PSD3: variants seen among roughly 807,000 people sequenced by gnomAD.
PSD3 encodes pleckstrin and Sec7 domain containing 3.
A neutral mutation model predicts 105.5 loss-of-function variants in PSD3; 49 were observed. The ratio of observed to expected loss-of-function variants is 0.46; its 90% confidence interval spans 0.37 to 0.59. The LOEUF is 0.59. PSD3 is among the 20% of genes least tolerant of loss of function. The probability of loss-of-function intolerance (pLI) is 0.00; values close to 1 mark genes in which losing one functional copy is unlikely to be tolerated. For missense variants in PSD3, 1,561 were observed against 1,263.8 expected (o/e 1.24, Z -3.57); for synonymous variants, 557 against 457.8 (o/e 1.22, Z -2.77).
At chr8:18,940,274 T>G (rs1471394350) in intron 1 of PSD3, 2 of 152,164 alleles carry the variant, frequency 1.3e-5, no homozygotes, top group East Asian at 3.9e-4. Flanking sequence ...CTGTTGTATA[T>G]ACGAATCACC....
chr8:18,711,648 C>A (rs927862482), intron 9 of PSD3, among the ~76,000 whole-genome samples: 4 of 152,168 alleles, frequency 2.6e-5, no homozygotes, highest in Non-Finnish European at 5.9e-5. Context: ...AACAGACCTA[C>A]AAAGAGACTT....
intron 8 of PSD3, among the ~76,000 whole-genome samples, chr8:18,768,656 T>A (rs556166466): frequency 6.6e-6 from 1 of 152,118 alleles, no homozygotes; most frequent in Non-Finnish European, 1.5e-5. Context: ...CAAAGACAGA[T>A]TTGCCTGAGA....
intron 10 of PSD3, among the ~76,000 whole-genome samples, chr8:18,654,518 T>C (rs986022641): frequency 6.6e-6 from 1 of 152,202 alleles, no homozygotes; most frequent in Admixed American, 6.5e-5. Context: ...TATTCTTCCA[T>C]AATAATTTTA....
At chr8:18,739,739 C>G (rs1804415296) in intron 9 of PSD3, among the ~76,000 whole-genome samples, 1 of 152,104 alleles carries the variant, frequency 6.6e-6, no homozygotes, top group Admixed American at 6.5e-5. Flanking sequence ...TTTGAAAATT[C>G]AGTGTGAAAT....
At chr8:18,980,681 G>C (rs1390929799) in intron 1 of PSD3, among the ~76,000 whole-genome samples, 2 of 151,942 alleles carry the variant, frequency 1.3e-5, no homozygotes, top group African/African-American at 4.8e-5. Context: ...ACACGCTCAA[G>C]TTTAGATGCT....
chr8:18,611,908 A>C (rs900392977), intron 11 of PSD3, among the ~76,000 whole-genome samples: 1 of 152,202 alleles, frequency 6.6e-6, no homozygotes, highest in African/African-American at 2.4e-5. Context: ...GGCAGCAGGG[A>C]AGACCCCTTC....
chr8:18,852,343 CAG>C (rs1308418426), intron 4 of PSD3, among the ~76,000 whole-genome samples: 1 of 152,168 alleles, frequency 6.6e-6, no homozygotes, highest in African/African-American at 2.4e-5. Context: ...AGTGTAAAGA[CAG>C]AAAGGGACAA....
rs1257441305 is a variant in PSD3, at chr8:18,535,935, G to A, written c.2952C>T (p.Val984=). 2 of 1,613,972 alleles carry A rather than the reference G, an allele frequency of 1.2e-6. No individual in the cohort carries two copies. The highest frequency in any genetic ancestry group is 2.7e-5 in the African/African-American group (2 of 74,896). Reference sequence around the variant, plus strand: ...CTTTGCCTCCTTCCTTGAGAATGCTGACATACATTTCATAGCGGGTTTTCT... The same window carrying A: ...CTTTGCCTCCTTCCTTGAGAATGCTAACATACATTTCATAGCGGGTTTTCT... ...EFEKTRYEMY[V]SILKEGGKEL... Residue 984 remains valine (V), a synonymous_variant, in exon 16 of 16, where the codon GTC becomes GTT. Coordinates refer to ENST00000327040, the MANE Select transcript of PSD3 (RefSeq NM_015310.4).
chr8:19,057,349 G>C (rs1375961598), intron 1 of PSD3, among the ~76,000 whole-genome samples: 3 of 151,994 alleles, frequency 2.0e-5, no homozygotes, highest in African/African-American at 7.3e-5. Context: ...AGTTTCTCTT[G>C]ACCTCTTGTC....
intron 9 of PSD3, among the ~76,000 whole-genome samples, chr8:18,746,206 T>A (rs561056449): frequency 6.6e-6 from 1 of 152,290 alleles, no homozygotes; most frequent in South Asian, 2.1e-4. Flanking sequence ...CTGCCCACCT[T>A]TGAGTGGTGT....
intron 15 of PSD3, among the ~76,000 whole-genome samples, chr8:18,547,835 T>C (rs1462595289): frequency 6.6e-6 from 1 of 152,216 alleles, no homozygotes; most frequent in African/African-American, 2.4e-5. Context: ...ATTCATATCT[T>C]TCTCTAGATT....
chr8:18,759,297 A>G (rs1160828384), intron 9 of PSD3, among the ~76,000 whole-genome samples: 2 of 152,144 alleles, frequency 1.3e-5, no homozygotes, highest in African/African-American at 4.8e-5. Context: ...GGTATCTGTA[A>G]GATTTATTTC....
intron 10 of PSD3, among the ~76,000 whole-genome samples, chr8:18,647,608 T>G (rs1182811946): frequency 1.3e-5 from 2 of 150,116 alleles, no homozygotes; most frequent in African/African-American, 4.9e-5. Flanking sequence ...TAAAACTGTT[T>G]TTTTTTTTTT....
intron 4 of PSD3, among the ~76,000 whole-genome samples, chr8:18,860,470 A>T (rs1047622047): frequency 1.3e-5 from 2 of 151,436 alleles, no homozygotes; most frequent in Non-Finnish European, 2.9e-5. Context: ...AAAAAAAAAA[A>T]CAGAGTATCT....
At chr8:18,707,455 T>C (rs1309171260) in intron 9 of PSD3, among the ~76,000 whole-genome samples, 2 of 152,180 alleles carry the variant, frequency 1.3e-5, no homozygotes, top group Non-Finnish European at 2.9e-5. Flanking sequence ...TCTTGGCAGA[T>C]TGGAGGATTG....
chr8:18,867,578 C>T, intron 4 of PSD3, 96 bp downstream of exon 4: 1 of 1,436,196 alleles, frequency 7.0e-7, no homozygotes, highest in Non-Finnish European at 9.3e-7. Flanking sequence ...CAGAAATTGG[C>T]CAAATGATTT....
intron 1 of PSD3, among the ~76,000 whole-genome samples, chr8:18,950,191 A>G (rs1347565647): frequency 6.6e-6 from 1 of 152,242 alleles, no homozygotes; most frequent in African/African-American, 2.4e-5. Flanking sequence ...TTTGTAATGA[A>G]TATTCAAAGA....
At chr8:18,664,219 C>T (rs918170664) in intron 9 of PSD3, among the ~76,000 whole-genome samples, 35 of 152,090 alleles carry the variant, frequency 2.3e-4, no homozygotes, top group African/African-American at 5.6e-4. Flanking sequence ...GCTAAGGCTA[C>T]GCTGAAGGTG....
chr8:18,600,525 A>G (rs779708861), intron 11 of PSD3, 91 bp from the exon 12 acceptor site: 1 of 1,065,926 alleles, frequency 9.4e-7, no homozygotes, highest in Non-Finnish European at 1.4e-6. Context: ...GTGTTTCAAT[A>G]TTCTACCTAG....
Sources: gnomAD v4.1 joint callset for allele counts (sites outside exome capture counted in the v4.1 genomes callset) on GRCh38, gnomAD v4.1.1 for gene constraint, MANE v1.5 for transcripts, NCBI Gene and HGNC (gene_info 2026-07-23, HGNC 2026-07-21) for gene names.